CRYBG1: variants seen among roughly 807,000 people sequenced by gnomAD.
The protein encoded by CRYBG1 is crystallin beta-gamma domain containing 1, also known as beta/gamma crystallin domain-containing protein 1.
Under a neutral mutation model 189.2 loss-of-function variants are expected in CRYBG1, and 139 were observed. The ratio of observed to expected loss-of-function variants is 0.73; its 90% CI spans 0.64 to 0.85. The LOEUF (loss-of-function observed/expected upper bound fraction) is 0.85, where lower values mean the gene tolerates loss of function less well. Among genes scored for constraint, CRYBG1 ranks in the 40% least tolerant of loss-of-function variants. The pLI, the probability that CRYBG1 is intolerant of heterozygous loss-of-function variation, is 0.00. For synonymous variants in CRYBG1, 1,023 were observed against 1,017.1 expected, an observed-to-expected ratio of 1.01 and a Z score of -0.11; for missense variants, 2,611 against 2,675.8, an observed-to-expected ratio of 0.98 and a Z score of 0.53.
chr6:106,448,163 C>A (rs1035113767), intron 1 of CRYBG1, among the ~76,000 whole-genome samples: 3 of 152,200 alleles, frequency 2.0e-5, no homozygotes, highest in Non-Finnish European at 4.4e-5. Context: ...TGTGACCTTG[C>A]CTCACCTCCA....
intron 1 of CRYBG1, among the ~76,000 whole-genome samples, chr6:106,414,313 AAGAT>A (rs1399178938): frequency 6.6e-6 from 1 of 152,266 alleles, no homozygotes; most frequent in Non-Finnish European, 1.5e-5. Context: ...CTGCACAAGG[AAGAT>A]GGCTCCTTGA....
intron 3 of CRYBG1, among the ~76,000 whole-genome samples, chr6:106,516,350 C>T (rs1267442691): frequency 6.6e-6 from 1 of 152,104 alleles, no homozygotes; most frequent in Non-Finnish European, 1.5e-5. Context: ...TCTCCTGCCT[C>T]AGCCTCCCAA....
At chr6:106,382,521 G>A (rs1770306595) in intron 1 of CRYBG1, among the ~76,000 whole-genome samples, 1 of 152,062 alleles carries the variant, frequency 6.6e-6, no homozygotes, top group Non-Finnish European at 1.5e-5. Context: ...TGCTTTCTAG[G>A]TAAAGTTGGC....
intron 1 of CRYBG1, among the ~76,000 whole-genome samples, chr6:106,419,146 T>C (rs1326269642): frequency 6.6e-6 from 1 of 152,218 alleles, no homozygotes; most frequent in Non-Finnish European, 1.5e-5. Context: ...ATTTTTCCTA[T>C]TGAAACAGCT....
chr6:106,436,593 G>C (rs1381119647), intron 1 of CRYBG1, among the ~76,000 whole-genome samples: 1 of 90,524 alleles, frequency 1.1e-5, no homozygotes, highest in Admixed American at 1.0e-4. Context: ...GCGCCCGGCC[G>C]CAATCTTATT....
Position 106,512,489 on chromosome 6 carries a change from A to G in CRYBG1, c.1372A>G (p.Ser458Gly), listed in dbSNP as rs1304542708. Residue 458 changes from serine to glycine, a missense_variant, in exon 3 of 22, where the codon AGC becomes GGC. Physicochemically the swap from Ser to Gly is moderately conservative, Grantham distance 56. Around this residue, in one of 3 missense-constraint regions of CRYBG1, gnomAD observed 985 missense variants for 924.4 expected, o/e 1.07. Transcript: ENST00000633556. ...CGACGAGGTGGCGCCAAACGCGGCC[A>G]GCGATAACGCCTCGGCGGAAAAGAA... The part of the protein sequence containing the change: ...FDDEVAPNAA[S>G]DNASAEKKVK... The G allele has an allele frequency of 5.6e-6, 9 of 1,611,386 alleles. No homozygotes were observed. Among genetic ancestry groups the G allele is most frequent in the Non-Finnish European group, 7.6e-6 (9 of 1,179,314 alleles).
At chr6:106,553,687 C>A in intron 16 of CRYBG1, 120 bp downstream of exon 16, 1 of 712,760 alleles carries the variant, frequency 1.4e-6, no homozygotes. Flanking sequence ...CCATCTTAGT[C>A]CAATGGCGTG....
At chr6:106,454,147 C>G (rs964478894) in intron 2 of CRYBG1, among the ~76,000 whole-genome samples, 13 of 152,288 alleles carry the variant, frequency 8.5e-5, no homozygotes, top group South Asian at 2.1e-4. Flanking sequence ...TCTCCATCAT[C>G]CCTTCTCCCC....
intron 2 of CRYBG1, among the ~76,000 whole-genome samples, chr6:106,505,980 G>A (rs938750063): frequency 1.2e-4 from 18 of 152,148 alleles, no homozygotes; most frequent in Non-Finnish European, 2.4e-4. Context: ...TTAGAAGGAT[G>A]CACAGGTGAG....
chr6:106,467,862 G>A (rs1025169950), intron 2 of CRYBG1, among the ~76,000 whole-genome samples: 2 of 152,056 alleles, frequency 1.3e-5, no homozygotes, highest in African/African-American at 4.8e-5. Flanking sequence ...TATGATATTT[G>A]CATATAGTAC....
intron 2 of CRYBG1, among the ~76,000 whole-genome samples, chr6:106,464,013 A>G (rs1425193680): frequency 6.6e-6 from 1 of 152,240 alleles, no homozygotes; most frequent in East Asian, 1.9e-4. Flanking sequence ...AAAATGTGTG[A>G]GTGGAGGACA....
At chr6:106,370,881 C>T (rs1223127397) in intron 1 of CRYBG1, among the ~76,000 whole-genome samples, 2 of 152,114 alleles carry the variant, frequency 1.3e-5, no homozygotes, top group African/African-American at 2.4e-5. Flanking sequence ...AAACTAACAA[C>T]GATGAGACTG....
chr6:106,422,246 C>G (rs1771136342), intron 1 of CRYBG1, among the ~76,000 whole-genome samples: 1 of 147,496 alleles, frequency 6.8e-6, no homozygotes, highest in Non-Finnish European at 1.5e-5. Context: ...CTTCACATGA[C>G]CAAGTAGTTG....
chr6:106,498,807 G>A (rs1024527543), intron 2 of CRYBG1, among the ~76,000 whole-genome samples: 1 of 152,084 alleles, frequency 6.6e-6, no homozygotes, highest in Non-Finnish European at 1.5e-5. Flanking sequence ...TCAGGAGGCA[G>A]AGGTTGCAGT....
At chr6:106,445,842 A>G (rs536526273) in intron 1 of CRYBG1, among the ~76,000 whole-genome samples, 1 of 152,232 alleles carries the variant, frequency 6.6e-6, no homozygotes, top group Non-Finnish European at 1.5e-5. Flanking sequence ...CTTCTGAAGG[A>G]AAAACCCATT....
rs1306079071 is a variant in CRYBG1, at chr6:106,519,883, C to T, written c.2675C>T (p.Ser892Leu). The change falls in exon 4 of 22, where the codon TCA becomes TTA. Residue 892 changes from serine (S) to leucine (L), a missense_variant. By Grantham distance (145) the Ser-to-Leu change is moderately radical. This residue lies in a region of CRYBG1 where 1,622 missense variants were observed against 1,735.0 expected (regional missense o/e 0.93). Transcript: ENST00000633556. ...GDVPKDTCVQ[S>L]PISSFPCTDL... Reference sequence around the variant, plus strand: ...GTTCCCAAAGACACATGTGTTCAATCACCCATAAGCAGTTTCCCATGCACT... The same window carrying T: ...GTTCCCAAAGACACATGTGTTCAATTACCCATAAGCAGTTTCCCATGCACT... 2 of 1,614,196 alleles carry T rather than the reference C, an allele frequency of 1.2e-6. No individual in the cohort carries two copies. The highest frequency in any genetic ancestry group is 2.2e-5 in the South Asian group (2 of 91,086).
intron 2 of CRYBG1, among the ~76,000 whole-genome samples, chr6:106,452,559 G>T (rs1771806208): frequency 1.3e-5 from 2 of 152,082 alleles, no homozygotes; most frequent in South Asian, 4.1e-4. Context: ...TAATGCAAAG[G>T]CATACAGATT....
chr6:106,527,274 G>C (rs370708872), intron 6 of CRYBG1, 31 bp from the exon 7 acceptor site: 1 of 1,588,492 alleles, frequency 6.3e-7, no homozygotes, highest in Admixed American at 1.8e-5. Flanking sequence ...CACGAAGACT[G>C]ACTAATGGTT....
chr6:106,427,503 A>G (rs886678454), intron 1 of CRYBG1, among the ~76,000 whole-genome samples: 1 of 152,016 alleles, frequency 6.6e-6, no homozygotes, highest in African/African-American at 2.4e-5. Context: ...TATGTCTAGA[A>G]TCTGACCACA....
Sources: allele counts gnomAD v4.1 joint callset (sites outside exome capture counted in the v4.1 genomes callset), GRCh38; gene constraint gnomAD v4.1.1; regional missense constraint gnomAD v4.1.1; transcripts MANE v1.5; gene names NCBI Gene and HGNC (gene_info 2026-07-23, HGNC 2026-07-21).